LRMDA: variants seen among roughly 807,000 people sequenced by gnomAD.
LRMDA encodes leucine-rich melanocyte differentiation-associated protein.
Under a neutral mutation model 29.8 loss-of-function variants are expected in LRMDA, and 18 were observed. The observed-to-expected ratio is 0.60, with a 90% CI of 0.42 to 0.90. The LOEUF (loss-of-function observed/expected upper bound fraction) is 0.90, where lower values mean the gene tolerates loss of function less well. LRMDA is among the 40% of genes least tolerant of loss of function. LRMDA has a pLI of 0.00. For missense variants in LRMDA, 273 were observed against 273.9 expected, an observed-to-expected ratio of 1.00 and a Z score of 0.02; for synonymous variants, 125 against 109.4, an observed-to-expected ratio of 1.14 and a Z score of -0.89.
chr10:75,599,197 TAC>T (rs1225695346), intron 2 of LRMDA, among the ~76,000 whole-genome samples: 1 of 152,182 alleles, frequency 6.6e-6, no homozygotes, highest in Non-Finnish European at 1.5e-5. Context: ...CTCCTGGCGC[TAC>T]AGAGTTTGTC....
intron 2 of LRMDA, among the ~76,000 whole-genome samples, chr10:75,507,712 C>T (rs1302465493): frequency 6.6e-6 from 1 of 152,206 alleles, no homozygotes; most frequent in Non-Finnish European, 1.5e-5. Flanking sequence ...AACAGAATAG[C>T]TCTGTAACTT....
intron 6 of LRMDA, among the ~76,000 whole-genome samples, chr10:76,516,334 T>C (rs1843060865): frequency 7.2e-6 from 1 of 138,238 alleles, no homozygotes. Context: ...GCAATAAGTT[T>C]TTTTTAAAAT....
chr10:76,203,139 T>A (rs1851464338), intron 5 of LRMDA, among the ~76,000 whole-genome samples: 1 of 152,140 alleles, frequency 6.6e-6, no homozygotes. Flanking sequence ...GACAGTGGGA[T>A]CCATTAGAAA....
chr10:75,712,093 C>T, intron 2 of LRMDA, among the ~76,000 whole-genome samples: 1 of 152,050 alleles, frequency 6.6e-6, no homozygotes, highest in East Asian at 1.9e-4. Context: ...GCTTATCAAC[C>T]CTTAATTAGT....
At chr10:76,331,459 A>G (rs917266726) in intron 6 of LRMDA, among the ~76,000 whole-genome samples, 5 of 152,226 alleles carry the variant, frequency 3.3e-5, no homozygotes, top group African/African-American at 1.2e-4. Flanking sequence ...TTCTCAAAAA[A>G]TTGTCAATGA....
At chr10:76,275,614 A>G (rs1444539011) in intron 5 of LRMDA, among the ~76,000 whole-genome samples, 1 of 151,750 alleles carries the variant, frequency 6.6e-6, no homozygotes, top group East Asian at 1.9e-4. Context: ...GATCTTTCCA[A>G]ATTGCTTTTT....
chr10:75,646,104 C>T (rs574833842), intron 2 of LRMDA, among the ~76,000 whole-genome samples: 3 of 151,548 alleles, frequency 2.0e-5, no homozygotes, highest in Non-Finnish European at 4.4e-5. Context: ...CATTCTTTTC[C>T]TATGGAATAA....
rs145262847 is a variant in LRMDA at position 75,729,934 on chromosome 10, A to G, written c.131+291440A>G. On this transcript the variant is annotated intron_variant, in intron 2 of 6. Coordinates refer to ENST00000611255, the MANE Select transcript of LRMDA (RefSeq NM_001305581.2). ...CACCTCAGCCTCCCAAGTAGCTGGGACTACATGTCCACACCACCAAGGCTA... is the reference window on the plus strand; with the variant it reads ...CACCTCAGCCTCCCAAGTAGCTGGGGCTACATGTCCACACCACCAAGGCTA... Among the ~76,000 whole-genome samples, 275 of 152,256 alleles carry G rather than the reference A, an allele frequency of 1.8e-3. 1 individual carries two copies. The highest frequency in any genetic ancestry group is 6.5e-3 in the African/African-American group (268 of 41,538).
intron 2 of LRMDA, among the ~76,000 whole-genome samples, chr10:75,501,451 TC>T: frequency 6.6e-6 from 1 of 152,200 alleles, no homozygotes; most frequent in Non-Finnish European, 1.5e-5. Flanking sequence ...TCCTTGTGCA[TC>T]CTGTCTATTG....
chr10:76,071,163 G>A (rs1335078266), intron 5 of LRMDA, among the ~76,000 whole-genome samples: 2 of 152,152 alleles, frequency 1.3e-5, no homozygotes, highest in Non-Finnish European at 2.9e-5. Context: ...CCTAGAATTT[G>A]TCATTGGAAT....
intron 2 of LRMDA, among the ~76,000 whole-genome samples, chr10:75,946,805 G>C (rs1031473506): frequency 1.3e-5 from 2 of 151,974 alleles, no homozygotes; most frequent in Non-Finnish European, 2.9e-5. Flanking sequence ...TCGTGTTCTC[G>C]GCCACTCACC....
intron 5 of LRMDA, among the ~76,000 whole-genome samples, chr10:76,241,322 G>C (rs1195334980): frequency 2.6e-5 from 4 of 152,168 alleles, no homozygotes; most frequent in Non-Finnish European, 5.9e-5. Context: ...TCCACTGAAA[G>C]AATCAGCTGG....
chr10:75,935,692 T>A (rs908689982), intron 2 of LRMDA, among the ~76,000 whole-genome samples: 1 of 152,174 alleles, frequency 6.6e-6, no homozygotes, highest in Non-Finnish European at 1.5e-5. Flanking sequence ...TTAAAAGGGA[T>A]GGCAGGGCAT....
intron 2 of LRMDA, among the ~76,000 whole-genome samples, chr10:75,898,366 G>A (rs1845618086): frequency 6.6e-6 from 1 of 152,200 alleles, no homozygotes; most frequent in South Asian, 2.1e-4. Flanking sequence ...TCTAGAAAGA[G>A]GACACAAGAC....
At chr10:76,070,869 A>G (rs939452001) in intron 5 of LRMDA, among the ~76,000 whole-genome samples, 8 of 151,968 alleles carry the variant, frequency 5.3e-5, no homozygotes, top group African/African-American at 1.5e-4. Context: ...TTCTTGTGGG[A>G]ATGGTAGAGG....
intron 2 of LRMDA, among the ~76,000 whole-genome samples, chr10:75,690,815 A>G (rs980153028): frequency 2.0e-5 from 3 of 151,218 alleles, no homozygotes; most frequent in Non-Finnish European, 4.4e-5. Context: ...AAAATAAAAA[A>G]ATAAAAAAAT....
intron 2 of LRMDA, among the ~76,000 whole-genome samples, chr10:75,612,699 A>G (rs1417664900): frequency 6.7e-6 from 1 of 150,196 alleles, no homozygotes; most frequent in Non-Finnish European, 1.5e-5. Context: ...GGATTTAGAG[A>G]GGCAATAGTG....
At chr10:76,422,910 A>T (rs1214759073) in intron 6 of LRMDA, among the ~76,000 whole-genome samples, 2 of 152,232 alleles carry the variant, frequency 1.3e-5, no homozygotes, top group African/African-American at 4.8e-5. Context: ...AAGAACTTGC[A>T]TTCCTGAATC....
intron 2 of LRMDA, among the ~76,000 whole-genome samples, chr10:75,535,124 TA>T (rs1301499893): frequency 6.6e-5 from 10 of 152,210 alleles, no homozygotes; most frequent in Non-Finnish European, 1.3e-4. Context: ...TTTTATCTTC[TA>T]AATTAGAAAT....
Sources: allele counts gnomAD v4.1 joint callset (sites outside exome capture counted in the v4.1 genomes callset), GRCh38; gene constraint gnomAD v4.1.1; transcripts MANE v1.5; gene names NCBI Gene and HGNC (gene_info 2026-07-23, HGNC 2026-07-21).